ERC1: variants seen among roughly 807,000 people sequenced by gnomAD.
ERC1 encodes the protein RAB6 interacting protein 2.
In ERC1, 56 loss-of-function variants were observed where a neutral mutation model predicts 132.0. The ratio of observed to expected loss-of-function variants is 0.42; its 90% CI spans 0.34 to 0.53. ERC1 has a LOEUF of 0.53. Ranked by LOEUF, ERC1 falls within the 20% of genes least tolerant of loss-of-function variation. The pLI is 0.03. For missense variants in ERC1, 1,202 were observed against 1,349.9 expected, an observed-to-expected ratio of 0.89 and a Z score of 1.72; for synonymous variants, 478 against 476.1, an observed-to-expected ratio of 1.00 and a Z score of -0.05.
chr12:1,197,528 C>G (rs1005043608), intron 12 of ERC1, among the ~76,000 whole-genome samples: 1 of 152,150 alleles, frequency 6.6e-6, no homozygotes, highest in South Asian at 2.1e-4. Flanking sequence ...GCTGGAATGC[C>G]CACTTACAGG....
At chr12:1,300,590 A>G (rs2080310970) in intron 15 of ERC1, among the ~76,000 whole-genome samples, 1 of 152,058 alleles carries the variant, frequency 6.6e-6, no homozygotes, top group South Asian at 2.1e-4. Flanking sequence ...TCTGTAGGGA[A>G]TTTAAACAAA....
intron 18 of ERC1, among the ~76,000 whole-genome samples, chr12:1,483,457 T>G (rs571269197): frequency 2.0e-5 from 3 of 152,338 alleles, no homozygotes; most frequent in Non-Finnish European, 4.4e-5. Flanking sequence ...TAATACTTTT[T>G]GAGTGGATAT....
chr12:1,334,921 GTTC>G (rs1472671980), intron 15 of ERC1, among the ~76,000 whole-genome samples: 1 of 152,122 alleles, frequency 6.6e-6, no homozygotes, highest in African/African-American at 2.4e-5. Context: ...GTGTTTTGTA[GTTC>G]TTCTTGTAGA....
At chr12:1,276,769 A>C (rs1389779714) in intron 14 of ERC1, among the ~76,000 whole-genome samples, 1 of 152,174 alleles carries the variant, frequency 6.6e-6, no homozygotes, top group Non-Finnish European at 1.5e-5. Context: ...TAAGTAATTA[A>C]ATTATGAGCG....
At chr12:1,270,899 A>C (rs1679581804) in intron 14 of ERC1, among the ~76,000 whole-genome samples, 1 of 152,132 alleles carries the variant, frequency 6.6e-6, no homozygotes, top group African/African-American at 2.4e-5. Context: ...ACAAGGTCAA[A>C]GAGAAAAAGG....
At chr12:1,289,418 T>G (rs1204885461) in intron 14 of ERC1, among the ~76,000 whole-genome samples, 1 of 151,978 alleles carries the variant, frequency 6.6e-6, no homozygotes, top group African/African-American at 2.4e-5. Context: ...GACTAAAAAT[T>G]ATTCGTCTAT....
chr12:1,335,111 C>G (rs188420595), intron 15 of ERC1, among the ~76,000 whole-genome samples: 47 of 152,136 alleles, frequency 3.1e-4, no homozygotes, highest in African/African-American at 1.0e-3. Flanking sequence ...TTTTTATCAC[C>G]TTACGAAGAT....
intron 8 of ERC1, among the ~76,000 whole-genome samples, chr12:1,145,996 G>C (rs1208662356): frequency 6.6e-6 from 1 of 152,110 alleles, no homozygotes; most frequent in African/African-American, 2.4e-5. Flanking sequence ...GTTTGAAGTT[G>C]AGTAATGTGA....
intron 12 of ERC1, among the ~76,000 whole-genome samples, chr12:1,208,131 C>G (rs7954213): frequency 0.43 from 65,908 of 151,896 alleles, 16,141 homozygotes; most frequent in African/African-American, 0.67. Flanking sequence ...ATTGACTTTA[C>G]AGAGATGAGA....
In ERC1 at chr12:1,121,172, T is replaced by TA. The variant is rs1947042247; in HGVS notation, c.1569+5140dup. Among the ~76,000 whole-genome samples the TA allele has an allele frequency of 2.0e-5, 3 of 152,212 alleles. No homozygotes were observed. The South Asian group carries it at 6.2e-4, about 32-fold the overall frequency. The stretch of plus-strand genomic sequence containing the variant: ...ATTTTACAGATGGGGAGTTAAAACT[T>TA]AGAGAGACTGAGGTTACATGACCTA... On this transcript the variant is annotated intron_variant, in intron 7 of 18. Coordinates refer to ENST00000360905, the MANE Select transcript of ERC1 (RefSeq NM_178040.4).
intron 13 of ERC1, among the ~76,000 whole-genome samples, chr12:1,242,789 T>A (rs1421104194): frequency 1.3e-5 from 2 of 152,056 alleles, no homozygotes; most frequent in African/African-American, 2.4e-5. Flanking sequence ...GACAATATTA[T>A]GGAAAAAAAC....
At chr12:1,296,363 T>C (rs531700747) in intron 15 of ERC1, among the ~76,000 whole-genome samples, 4 of 150,402 alleles carry the variant, frequency 2.7e-5, no homozygotes, top group Admixed American at 1.3e-4. Context: ...AATGGAAATT[T>C]GATAATTGAA....
intron 3 of ERC1, among the ~76,000 whole-genome samples, chr12:1,094,882 C>T (rs1943810795): frequency 6.6e-6 from 1 of 152,130 alleles, no homozygotes; most frequent in South Asian, 2.1e-4. Context: ...CATTTACCCT[C>T]CCTTCTTTTT....
chr12:1,375,592 A>G (rs1217337507), intron 16 of ERC1, among the ~76,000 whole-genome samples: 1 of 152,192 alleles, frequency 6.6e-6, no homozygotes, highest in African/African-American at 2.4e-5. Context: ...GTGAAATTCA[A>G]TAAGATAGCA....
At chr12:1,062,532 T>C (rs187464144) in intron 2 of ERC1, among the ~76,000 whole-genome samples, 23 of 152,346 alleles carry the variant, frequency 1.5e-4, no homozygotes, top group African/African-American at 5.5e-4. Flanking sequence ...AAAGTTCTTG[T>C]TTTTGATGTC....
chr12:1,054,162 T>TA (rs1362062980), intron 2 of ERC1, among the ~76,000 whole-genome samples: 15 of 152,234 alleles, frequency 9.9e-5, no homozygotes, highest in African/African-American at 3.6e-4. Context: ...TCTTGACTGT[T>TA]ACGTGCTGTA....
intron 1 of ERC1, among the ~76,000 whole-genome samples, chr12:1,026,007 G>A (rs917767909): frequency 3.9e-5 from 6 of 152,040 alleles, no homozygotes; most frequent in Admixed American, 3.9e-4. Flanking sequence ...TGTTGGTCAG[G>A]CTGGTCTCGA....
At chr12:1,080,847 A>G (rs561355564) in intron 2 of ERC1, among the ~76,000 whole-genome samples, 1 of 152,304 alleles carries the variant, frequency 6.6e-6, no homozygotes, top group Non-Finnish European at 1.5e-5. Flanking sequence ...CTGTAAGTCC[A>G]ATTAAACCTC....
intron 2 of ERC1, among the ~76,000 whole-genome samples, chr12:1,032,119 C>T (rs1968157834): frequency 6.6e-6 from 1 of 150,898 alleles, no homozygotes; most frequent in Non-Finnish European, 1.5e-5. Context: ...GATCTTGGCT[C>T]ACTGCAACCT....
Sources: allele counts gnomAD v4.1 joint callset (sites outside exome capture counted in the v4.1 genomes callset), GRCh38; gene constraint gnomAD v4.1.1; transcripts MANE v1.5; gene names NCBI Gene and HGNC (gene_info 2026-07-23, HGNC 2026-07-21).